The following SOBP variants were observed in gnomAD, a reference collection of about 807,000 sequenced individuals.
SOBP encodes sine oculis binding protein homolog.
In SOBP, 4 loss-of-function variants were observed where a neutral mutation model predicts 53.6. The ratio of observed to expected loss-of-function variants is 0.07; its 90% confidence interval spans 0.04 to 0.17. The LOEUF (loss-of-function observed/expected upper bound fraction) is 0.17, where lower values mean the gene tolerates loss of function less well. Among genes scored for constraint, SOBP ranks in the 10% least tolerant of loss-of-function variants. SOBP has a pLI of 1.00. For missense variants in SOBP, 1,088 were observed against 1,204.7 expected (o/e 0.90, Z 1.43); for synonymous variants, 584 against 522.6 (o/e 1.12, Z -1.60).
intron 6 of SOBP, among the ~76,000 whole-genome samples, chr6:107,648,407 ACACCTGCTCCTGTAGT>A (rs1291799434): frequency 1.3e-5 from 1 of 76,686 alleles, no homozygotes; most frequent in Non-Finnish European, 4.3e-5. Flanking sequence ...GGACACAGTG[ACACCTGCTCCTGTAGT>A]CACAGTGGGG....
intron 5 of SOBP, among the ~76,000 whole-genome samples, chr6:107,600,375 G>A (rs138998271): frequency 6.6e-6 from 1 of 152,304 alleles, no homozygotes; most frequent in African/African-American, 2.4e-5. Context: ...TGGCCCTGCA[G>A]CCTTGCTGCT....
chr6:107,498,769 C>CT (rs1198305291), intron 1 of SOBP, among the ~76,000 whole-genome samples: 4 of 152,028 alleles, frequency 2.6e-5, no homozygotes. Context: ...TTTCTGTGAC[C>CT]TTTTTTTGTT....
chr6:107,608,055 A>C (rs1786453962), intron 5 of SOBP, among the ~76,000 whole-genome samples: 1 of 152,224 alleles, frequency 6.6e-6, no homozygotes. Flanking sequence ...TAAGAGCCTT[A>C]TGATGACTGA....
intron 6 of SOBP, among the ~76,000 whole-genome samples, chr6:107,649,687 AGAAAG>A (rs1204449911): frequency 6.6e-6 from 1 of 151,470 alleles, no homozygotes; most frequent in Non-Finnish European, 1.5e-5. Flanking sequence ...AAAAAGAAGA[AGAAAG>A]AAAAAAGAAA....
At chr6:107,576,017 C>T (rs999974754) in intron 4 of SOBP, among the ~76,000 whole-genome samples, 3 of 152,168 alleles carry the variant, frequency 2.0e-5, no homozygotes, top group African/African-American at 4.8e-5. Flanking sequence ...CCTCCATCTT[C>T]GCATTTGGCT....
At chr6:107,515,085 T>G (rs1235496847) in intron 3 of SOBP, 1 of 152,260 alleles carries the variant, frequency 6.6e-6, no homozygotes, top group Non-Finnish European at 1.5e-5. Context: ...ATCATTTTGA[T>G]GTTATGCATA....
Position 107,552,035 on chromosome 6 carries a change from A to C in SOBP, c.573+18425A>C, listed in dbSNP as rs145851915. Among the ~76,000 whole-genome samples the C allele has an allele frequency of 1.2e-4, 18 of 152,274 alleles. 1 individual carries two copies. The East Asian group carries it at 1.7e-3, about 15-fold the overall frequency. ...GACTCCATCTCAACAACAACAACAAAAAAATTGTTGATTGGGACTTACTGA... is the reference window on the plus strand; with the variant it reads ...GACTCCATCTCAACAACAACAACAACAAAATTGTTGATTGGGACTTACTGA... On this transcript the variant is annotated intron_variant, in intron 4 of 6. Coordinates refer to ENST00000317357, the MANE Select transcript of SOBP (RefSeq NM_018013.4).
At chr6:107,557,445 T>C (rs538001864) in intron 4 of SOBP, among the ~76,000 whole-genome samples, 7 of 152,362 alleles carry the variant, frequency 4.6e-5, no homozygotes, top group African/African-American at 1.4e-4. Context: ...TATTAAAAAT[T>C]ATGGAAGATA....
At chr6:107,620,284 A>G (rs1026865506) in intron 5 of SOBP, among the ~76,000 whole-genome samples, 8 of 152,128 alleles carry the variant, frequency 5.3e-5, no homozygotes, top group Non-Finnish European at 5.9e-5. Context: ...CCCACTCTCT[A>G]ATTTGTGACC....
intron 6 of SOBP, among the ~76,000 whole-genome samples, chr6:107,649,684 A>G (rs1771721543): frequency 6.6e-6 from 1 of 151,306 alleles, no homozygotes; most frequent in African/African-American, 2.4e-5. Flanking sequence ...AAAAAAAAGA[A>G]GAAGAAAGAA....
At chr6:107,564,093 G>A (rs1784848445) in intron 4 of SOBP, among the ~76,000 whole-genome samples, 1 of 152,162 alleles carries the variant, frequency 6.6e-6, no homozygotes, top group Non-Finnish European at 1.5e-5. Flanking sequence ...ATGCAAAATA[G>A]GTATGTCTGT....
chr6:107,566,610 T>A (rs916820192), intron 4 of SOBP, among the ~76,000 whole-genome samples: 1 of 152,236 alleles, frequency 6.6e-6, no homozygotes, highest in Non-Finnish European at 1.5e-5. Context: ...GTCTGCTCCA[T>A]GTTTTTCTCG....
intron 5 of SOBP, among the ~76,000 whole-genome samples, chr6:107,617,820 CTTTTTTTTTTT>C (rs71551315): frequency 9.9e-6 from 1 of 101,188 alleles, no homozygotes; most frequent in Non-Finnish European, 1.9e-5. Context: ...TGTATGACTC[CTTTTTTTTTTT>C]TTTTTTTTTT....
chr6:107,515,897 G>T (rs1382273212), intron 3 of SOBP, among the ~76,000 whole-genome samples: 2 of 152,064 alleles, frequency 1.3e-5, no homozygotes, highest in Admixed American at 1.3e-4. Context: ...TGCAAGGTTG[G>T]TTTAAATTTT....
intron 4 of SOBP, among the ~76,000 whole-genome samples, chr6:107,543,556 G>C (rs897918210): frequency 6.6e-6 from 1 of 152,232 alleles, no homozygotes; most frequent in Non-Finnish European, 1.5e-5. Context: ...CCCATGGGCA[G>C]CATGGGGAGG....
intron 3 of SOBP, among the ~76,000 whole-genome samples, chr6:107,513,566 A>G (rs1475524510): frequency 1.3e-5 from 2 of 152,156 alleles, no homozygotes; most frequent in Non-Finnish European, 2.9e-5. Context: ...CTTGCATATG[A>G]TGATGTGTTC....
At chr6:107,592,715 C>CTG (rs1284818862) in intron 5 of SOBP, among the ~76,000 whole-genome samples, 4 of 152,210 alleles carry the variant, frequency 2.6e-5, no homozygotes, top group African/African-American at 9.6e-5. Flanking sequence ...AATAGCCCCA[C>CTG]AAGTGTAAAA....
At chr6:107,503,152 A>T (rs1384999690) in intron 1 of SOBP, among the ~76,000 whole-genome samples, 2 of 152,244 alleles carry the variant, frequency 1.3e-5, no homozygotes, top group African/African-American at 4.8e-5. Flanking sequence ...GGTACTGTTA[A>T]CAATTCTGAA....
chr6:107,642,622 G>A (rs983851452), intron 6 of SOBP, among the ~76,000 whole-genome samples: 2 of 152,146 alleles, frequency 1.3e-5, no homozygotes, highest in African/African-American at 4.8e-5. Flanking sequence ...GTCAGGGCTG[G>A]GGCAAATCAA....
Sources: allele counts gnomAD v4.1 joint callset (sites outside exome capture counted in the v4.1 genomes callset), GRCh38; gene constraint gnomAD v4.1.1; transcripts MANE v1.5; gene names NCBI Gene and HGNC (gene_info 2026-07-23, HGNC 2026-07-21).